The following TRPM3 variants were observed in gnomAD, a reference collection of about 807,000 sequenced individuals.
The protein encoded by TRPM3 is transient receptor potential cation channel subfamily M member 3.
Under a neutral mutation model 181.2 loss-of-function variants are expected in TRPM3, and 77 were observed. The ratio of observed to expected loss-of-function variants is 0.42; its 90% CI spans 0.35 to 0.51. The LOEUF (loss-of-function observed/expected upper bound fraction) is 0.51. TRPM3 is among the 20% of genes least tolerant of loss of function. TRPM3 has a pLI of 0.01. For synonymous variants in TRPM3, 745 were observed against 796.4 expected (o/e 0.94, Z 1.09); for missense variants, 1,759 against 2,196.7 (o/e 0.80, Z 3.98).
At chr9:71,317,693 A>ACG (rs942782169) in intron 1 of TRPM3, among the ~76,000 whole-genome samples, 2 of 143,776 alleles carry the variant, frequency 1.4e-5, no homozygotes, top group Middle Eastern at 3.5e-3. Context: ...ACACACACAC[A>ACG]CGCGCACACG....
chr9:70,655,193 G>A (rs1359038195), intron 9 of TRPM3, among the ~76,000 whole-genome samples: 2 of 148,286 alleles, frequency 1.3e-5, no homozygotes, highest in Admixed American at 6.7e-5. Context: ...GTAATCCCTG[G>A]TACTCAGGAG....
chr9:70,921,843 T>C (rs1034807588), intron 1 of TRPM3, among the ~76,000 whole-genome samples: 4 of 152,066 alleles, frequency 2.6e-5, no homozygotes, highest in African/African-American at 9.6e-5. Context: ...AACAGAATGC[T>C]GCCAACAACC....
chr9:71,388,611 A>G (rs2092985324), intron 1 of TRPM3, among the ~76,000 whole-genome samples: 1 of 152,148 alleles, frequency 6.6e-6, no homozygotes, highest in Non-Finnish European at 1.5e-5. Flanking sequence ...CAGCCTTGAG[A>G]ATAGTTGACA....
chr9:70,846,162 C>T (rs766582620), intron 4 of TRPM3, among the ~76,000 whole-genome samples: 1 of 152,172 alleles, frequency 6.6e-6, no homozygotes, highest in Non-Finnish European at 1.5e-5. Context: ...TATTAAATAT[C>T]CCAACCCATT....
chr9:71,297,685 AACT>A (rs1449965251), intron 1 of TRPM3, among the ~76,000 whole-genome samples: 2 of 152,184 alleles, frequency 1.3e-5, no homozygotes, highest in Non-Finnish European at 2.9e-5. Context: ...GGATTATGGG[AACT>A]ACAATTCAAG....
intron 9 of TRPM3, 39 bp downstream of exon 9, chr9:70,681,467 T>C (rs375490730): frequency 1.3e-6 from 2 of 1,558,940 alleles, no homozygotes; most frequent in African/African-American, 2.7e-5. Flanking sequence ...TTAATTCGTT[T>C]AAATTATTTT....
Position 70,532,056 on chromosome 9 carries a change from G to A in TRPM3, c.*3897C>T, listed in dbSNP as rs535410575. ...TAATACAACCACATGCTACAACTACGCTGGGTTAAACATGGGTTACATACA... is the reference window on the plus strand; with the variant it reads ...TAATACAACCACATGCTACAACTACACTGGGTTAAACATGGGTTACATACA... On this transcript the variant is annotated 3_prime_UTR_variant, in exon 26 of 26. Coordinates refer to ENST00000677713, the MANE Select transcript of TRPM3 (RefSeq NM_001366145.2). The A allele has an allele frequency of 1.3e-5, 2 of 152,084 alleles. No individual in the cohort carries two copies. Among genetic ancestry groups the A allele is most frequent in the Non-Finnish European group, 2.9e-5 (2 of 68,014 alleles). The allele number at this position is 152,084 out of a possible 1,614,324, so 9.4% of individuals were successfully genotyped here. A position where few individuals can be genotyped will look rare whatever the true frequency, so the allele number is the denominator to read the frequency against.
At chr9:71,313,483 A>T (rs1268344449) in intron 1 of TRPM3, among the ~76,000 whole-genome samples, 2 of 152,180 alleles carry the variant, frequency 1.3e-5, no homozygotes, top group African/African-American at 4.8e-5. Flanking sequence ...TCATTCCAAG[A>T]TTATCTAACT....
intron 1 of TRPM3, among the ~76,000 whole-genome samples, chr9:70,976,042 T>A (rs920751913): frequency 2.0e-5 from 3 of 152,098 alleles, no homozygotes; most frequent in African/African-American, 7.2e-5. Context: ...TCATGGGTAA[T>A]CTCATTTAAT....
At chr9:71,370,527 C>T (rs1024361641) in intron 1 of TRPM3, among the ~76,000 whole-genome samples, 3 of 152,154 alleles carry the variant, frequency 2.0e-5, no homozygotes, top group Non-Finnish European at 4.4e-5. Context: ...AAAGCCTCAT[C>T]TAGAACACGG....
chr9:71,037,344 A>G (rs1290424644), intron 1 of TRPM3, among the ~76,000 whole-genome samples: 4 of 152,226 alleles, frequency 2.6e-5, no homozygotes, highest in Admixed American at 1.3e-4. Flanking sequence ...TACTAAATTT[A>G]AAGTTTGAAT....
intron 1 of TRPM3, among the ~76,000 whole-genome samples, chr9:71,257,935 G>A (rs1346308962): frequency 6.6e-6 from 1 of 152,040 alleles, no homozygotes; most frequent in Non-Finnish European, 1.5e-5. Context: ...GGGGAACGGA[G>A]GTATTTGGTC....
At chr9:70,701,833 C>T (rs1235047834) in intron 8 of TRPM3, among the ~76,000 whole-genome samples, 7 of 151,958 alleles carry the variant, frequency 4.6e-5, no homozygotes, top group African/African-American at 9.7e-5. Context: ...CAGTGTCCAC[C>T]GCTCCTCTAA....
chr9:70,757,852 G>C (rs2077362568), intron 8 of TRPM3, among the ~76,000 whole-genome samples: 1 of 152,146 alleles, frequency 6.6e-6, no homozygotes, highest in Admixed American at 6.5e-5. Context: ...AGCTATTTAT[G>C]ACAAACCCAC....
intron 1 of TRPM3, among the ~76,000 whole-genome samples, chr9:70,967,469 C>A (rs1359431707): frequency 6.6e-6 from 1 of 151,978 alleles, no homozygotes; most frequent in Admixed American, 6.6e-5. Context: ...GATACATTTT[C>A]TGATCCAAAG....
At position 70,846,568 on chromosome 9, in the gene TRPM3, TG is replaced by T; in HGVS notation, c.485del (p.Thr162LysfsTer9). 6.2e-7 allele frequency: 1 copy of T among 1,614,140 alleles called. No individual in the cohort carries two copies. Among genetic ancestry groups the T allele is most frequent in the Non-Finnish European group, 8.5e-7 (1 of 1,179,998 alleles). On this transcript the variant is annotated frameshift_variant, in exon 4 of 26. Transcript: ENST00000677713. LOFTEE classifies it high-confidence loss of function. Reference protein sequence around the residue: ...KAMYVRVSFDTKPDLLLHLMT... With the variant: ...KAMYVRVSFDXKPDLLLHLMT... Reference sequence around the variant, plus strand: ...TCAGGTGTAAGAGGAGATCAGGTTTTGTATCAAAAGATACTCGCACATACTG... The same window carrying T: ...TCAGGTGTAAGAGGAGATCAGGTTTTTATCAAAAGATACTCGCACATACTG...
chr9:71,259,046 TC>T (rs1157791248), intron 1 of TRPM3, among the ~76,000 whole-genome samples: 1 of 151,842 alleles, frequency 6.6e-6, no homozygotes, highest in Non-Finnish European at 1.5e-5. Context: ...CCTCCCCTAG[TC>T]CCCCATCCCC....
intron 1 of TRPM3, among the ~76,000 whole-genome samples, chr9:71,156,057 T>C (rs1010309236): frequency 7.2e-5 from 11 of 152,144 alleles, no homozygotes; most frequent in African/African-American, 2.7e-4. Flanking sequence ...ATAATCCTGA[T>C]GCACAATGAA....
chr9:71,328,464 C>G (rs1181763679), intron 1 of TRPM3, among the ~76,000 whole-genome samples: 2 of 152,204 alleles, frequency 1.3e-5, no homozygotes, highest in Non-Finnish European at 2.9e-5. Flanking sequence ...CCGCACCCGG[C>G]CGACTTCTCT....
Sources: allele counts gnomAD v4.1 joint callset (sites outside exome capture counted in the v4.1 genomes callset), GRCh38; gene constraint gnomAD v4.1.1; transcripts MANE v1.5; gene names NCBI Gene and HGNC (gene_info 2026-07-23, HGNC 2026-07-21).